APOL5: variants seen among roughly 807,000 people sequenced by gnomAD.
The protein encoded by APOL5 is apolipoprotein L5, also known as apolipoprotein L, 5.
A neutral mutation model predicts 35.5 loss-of-function variants in APOL5; 29 were observed. That is an observed-to-expected ratio of 0.82 (90% CI 0.61 to 1.11). The LOEUF is 1.11. APOL5 is among the 50% of genes most tolerant of loss of function. APOL5 has a pLI of 0.00. For synonymous variants in APOL5, 188 were observed against 200.2 expected (o/e 0.94, Z 0.51); for missense variants, 514 against 530.4 (o/e 0.97, Z 0.30).
intron 2 of APOL5, among the ~76,000 whole-genome samples, chr22:35,723,679 G>A (rs1427950985): frequency 6.6e-6 from 1 of 152,196 alleles, no homozygotes; most frequent in Non-Finnish European, 1.5e-5. Flanking sequence ...ATCTACTTTG[G>A]GTTGGGCGTG....
upstream of APOL5, among the ~76,000 whole-genome samples, chr22:35,716,521 C>T (rs1002498705): frequency 2.6e-4 from 40 of 152,290 alleles, no homozygotes; most frequent in African/African-American, 8.9e-4. Context: ...CTCAGCTTCC[C>T]AAAGTGCTGG....
chr22:35,726,173 C>A, intron 2 of APOL5, 38 bp from the exon 3 acceptor site: 1 of 1,585,734 alleles, frequency 6.3e-7, no homozygotes, highest in Non-Finnish European at 8.6e-7. Context: ...CTGCCTCCTG[C>A]ACACATTTTA....
chr22:35,717,233 A>ATATATATATATATATATATATAT (rs71324555), upstream of APOL5, among the ~76,000 whole-genome samples: 3 of 37,298 alleles, frequency 8.0e-5, no homozygotes, highest in African/African-American at 4.3e-4. Context: ...AAAAAAAAAA[A>ATATATATATATATATATATATAT]AAATATATAT....
chr22:35,719,686 G>C (rs1295884350), intron 1 of APOL5, among the ~76,000 whole-genome samples: 1 of 152,218 alleles, frequency 6.6e-6, no homozygotes, highest in Non-Finnish European at 1.5e-5. Context: ...CATGCGGACC[G>C]GCAGGTCTTG....
At chr22:35,722,674 G>C (rs568615430) in intron 2 of APOL5, among the ~76,000 whole-genome samples, 1 of 152,266 alleles carries the variant, frequency 6.6e-6, no homozygotes, top group South Asian at 2.1e-4. Context: ...GAGCTGGTTT[G>C]CTTCTCTATA....
At chr22:35,722,870 C>T (rs1336064613) in intron 2 of APOL5, among the ~76,000 whole-genome samples, 1 of 152,134 alleles carries the variant, frequency 6.6e-6, no homozygotes, top group Non-Finnish European at 1.5e-5. Flanking sequence ...TGCCTCTTTG[C>T]CATCTGTGTA....
chr22:35,717,222 C>CAAAAAAAA (rs71322978), upstream of APOL5, among the ~76,000 whole-genome samples: 8 of 66,878 alleles, frequency 1.2e-4, 1 homozygote, highest in African/African-American at 5.4e-4. Flanking sequence ...TCCATCTCTA[C>CAAAAAAAA]AAAAAAAAAA....
At chr22:35,717,554 T>C (rs561669815), upstream of APOL5, among the ~76,000 whole-genome samples, 9 of 150,338 alleles carry the variant, frequency 6.0e-5, no homozygotes, top group African/African-American at 2.2e-4. Flanking sequence ...AGCCTGGCCA[T>C]CATGGTGAAA....
chr22:35,724,261 T>A (rs184787218), intron 2 of APOL5, among the ~76,000 whole-genome samples: 32 of 146,730 alleles, frequency 2.2e-4, no homozygotes, highest in Non-Finnish European at 4.3e-4. Flanking sequence ...GAGGCCAGCC[T>A]GGGCAATATA....
the APOL5 span, among the ~76,000 whole-genome samples, chr22:35,708,432 A>G: frequency 0.016 from 2,450 of 148,588 alleles, 29 homozygotes; most frequent in Middle Eastern, 0.027. Context: ...AAAAAGAAAA[A>G]AAAAAAAGAA....
chr22:35,713,798 G>A (rs532617102), upstream of APOL5, among the ~76,000 whole-genome samples: 4 of 152,084 alleles, frequency 2.6e-5, no homozygotes, highest in African/African-American at 4.8e-5. Context: ...CACCTACAAC[G>A]GGAGATGCTA....
chr22:35,722,122 C>T (rs1428919957), intron 2 of APOL5, among the ~76,000 whole-genome samples: 1 of 152,200 alleles, frequency 6.6e-6, no homozygotes, highest in African/African-American at 2.4e-5. Flanking sequence ...ACTTTTCAGG[C>T]ACAGGCACAG....
At chr22:35,714,897 C>T (rs8140119), upstream of APOL5, among the ~76,000 whole-genome samples, 7,127 of 152,270 alleles carry the variant, frequency 0.047, 248 homozygotes, top group African/African-American at 0.093. Context: ...AAGAGTCTAA[C>T]GCCCTGTTTG....
intron 2 of APOL5, 55 bp downstream of exon 2, chr22:35,720,709 CAG>C: frequency 4.7e-6 from 6 of 1,273,532 alleles, no homozygotes; most frequent in Non-Finnish European, 6.8e-6. Flanking sequence ...GCATCCAAAA[CAG>C]TGTCTGTCAC....
chr22:35,722,427 C>T (rs572681124), intron 2 of APOL5, among the ~76,000 whole-genome samples: 1 of 152,178 alleles, frequency 6.6e-6, no homozygotes, highest in South Asian at 2.1e-4. Flanking sequence ...CTCAGCCTTC[C>T]GAGTAGCTGG....
At chr22:35,713,788 C>A (rs1009075311), upstream of APOL5, among the ~76,000 whole-genome samples, 1 of 152,164 alleles carries the variant, frequency 6.6e-6, no homozygotes, top group Non-Finnish European at 1.5e-5. Flanking sequence ...TCACTGTCCC[C>A]ACCTACAACG....
At position 35,729,386 on chromosome 22, in the gene APOL5, AAC is replaced by A. The variant is rs1927288449; in HGVS notation, c.*41_*42del. 1.3e-5 allele frequency: 2 copies of A among 152,368 alleles called. No individual in the cohort carries two copies. Among genetic ancestry groups the A allele is most frequent in the Non-Finnish European group, 2.9e-5 (2 of 68,308 alleles). The allele number at this position is 152,368 out of a possible 1,614,324, so 9.4% of individuals were successfully genotyped here. A position where few individuals can be genotyped will look rare whatever the true frequency, so the allele number is the denominator to read the frequency against. ...CCCTGTCACCACTGAACCTTGATTTAACAGAGGCAAAATGCAAGTCTTCCCTG... is the reference window on the plus strand; with the variant it reads ...CCCTGTCACCACTGAACCTTGATTTAAGAGGCAAAATGCAAGTCTTCCCTG... On this transcript the variant is annotated 3_prime_UTR_variant, in exon 5 of 5. Coordinates refer to ENST00000249044, the MANE Select transcript of APOL5 (RefSeq NM_030642.1).
intron 1 of APOL5, among the ~76,000 whole-genome samples, chr22:35,719,946 C>T (rs1219741859): frequency 6.6e-6 from 1 of 152,294 alleles, no homozygotes; most frequent in African/African-American, 2.4e-5. Context: ...GGTGGTCTTC[C>T]CCTGGATTTG....
At position 35,726,225 on chromosome 22, in the gene APOL5, C is replaced by G; in HGVS notation, c.157C>G (p.Leu53Val). The G allele has an allele frequency of 6.2e-7, 1 of 1,610,142 alleles. No individual in the cohort carries two copies. The change falls in exon 3 of 5, where the codon CTG becomes GTG. Residue 53 changes from leucine to valine, a missense_variant. By Grantham distance (32) the Leu-to-Val change is conservative. This residue lies in a region of APOL5 where 254 missense variants were observed against 254.7 expected (regional missense o/e 1.00). Coordinates refer to ENST00000249044, the MANE Select transcript of APOL5 (RefSeq NM_030642.1). ...PEPEFPSLVN[L>V]CQSWKINNLM... is the part of the protein sequence containing the mutation. The stretch of plus-strand genomic sequence containing the variant: ...GATGTCTTTAGCCTCACTCGTGAAC[C>G]TGTGCCAGAGTTGGAAAATTAACAA...
Sources: gnomAD v4.1 joint callset for allele counts (sites outside exome capture counted in the v4.1 genomes callset) on GRCh38, gnomAD v4.1.1 for gene constraint, gnomAD v4.1.1 regional missense constraint, MANE v1.5 for transcripts, NCBI Gene and HGNC (gene_info 2026-07-23, HGNC 2026-07-21) for gene names.